The following TDRD9 variants were observed in gnomAD, a reference collection of about 807,000 sequenced individuals.
TDRD9 encodes ATP-dependent RNA helicase TDRD9.
TDRD9 carries 124 observed loss-of-function variants against 172.6 expected under a neutral mutation model. The ratio of observed to expected loss-of-function variants is 0.72; its 90% CI spans 0.62 to 0.83. The LOEUF is 0.83. TDRD9 is among the 40% of genes least tolerant of loss of function. The probability of loss-of-function intolerance (pLI) is 0.00; values close to 1 mark genes in which losing one functional copy is unlikely to be tolerated. For missense variants in TDRD9, 1,479 were observed against 1,714.1 expected, an observed-to-expected ratio of 0.86 and a Z score of 2.42; for synonymous variants, 619 against 617.1, an observed-to-expected ratio of 1.00 and a Z score of -0.05.
intron 3 of TDRD9, among the ~76,000 whole-genome samples, chr14:103,964,674 G>A (rs1013833898): frequency 1.3e-5 from 2 of 152,032 alleles, no homozygotes; most frequent in Non-Finnish European, 2.9e-5. Context: ...CTACAGGCGC[G>A]CTACCATGCC....
At position 103,980,260 on chromosome 14, in the gene TDRD9, G is replaced by T. The variant is rs909917733; in HGVS notation, c.1011+4707G>T. On this transcript the variant is annotated intron_variant, in intron 7 of 35. Transcript: ENST00000409874. The surrounding 1 kb of genome is among the most constrained non-coding windows in gnomAD (Gnocchi z 4.5). ...CACCAAGACGCAGAGACCAGTAGTG[G>T]CCCCGAATGCCAGGCTGCGCTGATA... 6.6e-6 allele frequency among the ~76,000 whole-genome samples: 1 copy of T among 152,140 alleles called. No individual in the cohort carries two copies.
intron 2 of TDRD9, among the ~76,000 whole-genome samples, chr14:103,959,045 A>G (rs1459196734): frequency 6.6e-6 from 1 of 152,188 alleles, no homozygotes; most frequent in Non-Finnish European, 1.5e-5. Context: ...GTGTTTTACA[A>G]AAAGTGCTTT....
chr14:103,979,839 C>T (rs965970888), intron 7 of TDRD9, among the ~76,000 whole-genome samples: 14 of 151,956 alleles, frequency 9.2e-5, no homozygotes, highest in African/African-American at 3.1e-4. Flanking sequence ...GTAGCACTTA[C>T]ATTTACAACA....
At chr14:104,033,568 A>G (rs1420087921) in intron 30 of TDRD9, among the ~76,000 whole-genome samples, 3 of 152,184 alleles carry the variant, frequency 2.0e-5, no homozygotes, top group Non-Finnish European at 4.4e-5. Flanking sequence ...GAGGGGTGAC[A>G]GAGGAACTGT....
Position 103,998,665 on chromosome 14 carries a change from G to A in TDRD9, c.1420G>A (p.Asp474Asn), listed in dbSNP as rs1016706340. Reference sequence around the variant, plus strand: ...GACTAGAACTTTGGTCTGTGATGAAGATACAAATTATCAGAGTCTGCGATT... The same window carrying A: ...GACTAGAACTTTGGTCTGTGATGAAAATACAAATTATCAGAGTCTGCGATT... ...CLTRTLVCDE[D>N]TNYQSLRLSW... Residue 474 changes from aspartate (D) to asparagine (N), a missense_variant, in exon 13 of 36, where the codon GAT becomes AAT. Asp to Asn is a conservative substitution (Grantham distance 23). Around this residue, in one of 3 missense-constraint regions of TDRD9, gnomAD observed 1,413 missense variants for 1,649.1 expected, o/e 0.86. Transcript: ENST00000409874. 1.2e-6 allele frequency: 2 copies of A among 1,611,736 alleles called. No individual in the cohort carries two copies. The highest frequency in any genetic ancestry group is 2.2e-5 in the South Asian group (2 of 91,004).
chr14:104,043,702 T>C (rs1407304148), intron 34 of TDRD9, among the ~76,000 whole-genome samples: 1 of 152,198 alleles, frequency 6.6e-6, no homozygotes, highest in Non-Finnish European at 1.5e-5. Flanking sequence ...TCCTGCCTTA[T>C]TATGCCATAG....
At chr14:103,970,958 A>C (rs4906394) in intron 6 of TDRD9, among the ~76,000 whole-genome samples, 3,340 of 152,170 alleles carry the variant, frequency 0.022, 141 homozygotes, top group Admixed American at 0.12. Flanking sequence ...GAATCTGCAA[A>C]TGCAGAATCT....
At chr14:103,948,536 T>C (rs2031693398) in intron 1 of TDRD9, among the ~76,000 whole-genome samples, 1 of 152,196 alleles carries the variant, frequency 6.6e-6, no homozygotes, top group African/African-American at 2.4e-5. Flanking sequence ...AAGAGATGTT[T>C]GTACACCTGT....
chr14:103,975,994 A>C (rs1208960129), intron 7 of TDRD9, among the ~76,000 whole-genome samples: 1 of 152,266 alleles, frequency 6.6e-6, no homozygotes, highest in East Asian at 1.9e-4. Context: ...GTTATTTCTT[A>C]TCTAGCTATA....
intron 9 of TDRD9, among the ~76,000 whole-genome samples, chr14:103,993,643 T>A (rs2033954408): frequency 6.6e-6 from 1 of 152,222 alleles, no homozygotes; most frequent in Non-Finnish European, 1.5e-5. Flanking sequence ...TGTGGCTACA[T>A]CACTCCTGTC....
At chr14:103,999,137 TA>T (rs2034166916) in intron 13 of TDRD9, among the ~76,000 whole-genome samples, 2 of 152,198 alleles carry the variant, frequency 1.3e-5, no homozygotes, top group Non-Finnish European at 2.9e-5. Context: ...ACTTTTTACT[TA>T]GATATTTCCT....
intron 13 of TDRD9, among the ~76,000 whole-genome samples, chr14:104,002,733 T>G (rs1271801160): frequency 1.1e-5 from 1 of 87,540 alleles, no homozygotes; most frequent in African/African-American, 2.9e-5. Context: ...TTTTCTTTTC[T>G]TTTTTTTTTT....
chr14:103,970,288 G>T (rs1468988935), intron 5 of TDRD9, among the ~76,000 whole-genome samples: 2 of 152,192 alleles, frequency 1.3e-5, no homozygotes, highest in Non-Finnish European at 2.9e-5. Context: ...CGAGGGTGCA[G>T]AACATTACTC....
chr14:103,996,453 G>A (rs1335736425), intron 12 of TDRD9, among the ~76,000 whole-genome samples: 1 of 152,126 alleles, frequency 6.6e-6, no homozygotes, highest in Non-Finnish European at 1.5e-5. Flanking sequence ...AATAAATCAG[G>A]GGAAGGGGTA....
chr14:103,973,160 C>A (rs894740108), intron 6 of TDRD9, among the ~76,000 whole-genome samples: 4 of 152,080 alleles, frequency 2.6e-5, no homozygotes, highest in African/African-American at 9.7e-5. Context: ...GATTTATTAA[C>A]AAATACGTGA....
chr14:103,986,946 T>C (rs927172858), intron 8 of TDRD9, among the ~76,000 whole-genome samples: 6 of 152,162 alleles, frequency 3.9e-5, no homozygotes, highest in Non-Finnish European at 8.8e-5. Context: ...AAACCCTGTC[T>C]CTACTAAAAT....
intron 5 of TDRD9, among the ~76,000 whole-genome samples, chr14:103,967,958 C>T (rs771065318): frequency 1.3e-5 from 2 of 152,174 alleles, no homozygotes; most frequent in African/African-American, 2.4e-5. Flanking sequence ...TAAGGAAGTT[C>T]AGTGCTCAGG....
chr14:103,952,203 TATATATATATATATATA>T (rs2031928539), intron 1 of TDRD9, among the ~76,000 whole-genome samples: 1 of 79,454 alleles, frequency 1.3e-5, no homozygotes, highest in Non-Finnish European at 2.4e-5. Flanking sequence ...TATATATATA[TATATATATATATATATA>T]TTTTTTTTTT....
chr14:104,012,259 T>C (rs1244273791), intron 20 of TDRD9, among the ~76,000 whole-genome samples: 2 of 152,206 alleles, frequency 1.3e-5, no homozygotes, highest in Non-Finnish European at 2.9e-5. Context: ...GCATGCATAC[T>C]CTTATCCAGG....
Sources: allele counts gnomAD v4.1 joint callset (sites outside exome capture counted in the v4.1 genomes callset), GRCh38; gene constraint gnomAD v4.1.1; regional missense constraint gnomAD v4.1.1; non-coding constraint Gnocchi (gnomAD v3.1); transcripts MANE v1.5; gene names NCBI Gene and HGNC (gene_info 2026-07-23, HGNC 2026-07-21).